The following UBR4 variants were observed in gnomAD, a reference collection of about 807,000 sequenced individuals.
UBR4 encodes the protein ubiquitin protein ligase E3 component n-recognin 4.
Under a neutral mutation model 575.6 loss-of-function variants are expected in UBR4, and 124 were observed. The observed-to-expected ratio is 0.22, with a 90% confidence interval of 0.19 to 0.25. The LOEUF (loss-of-function observed/expected upper bound fraction) is 0.25, where lower values mean the gene tolerates loss of function less well. Ranked by LOEUF, UBR4 falls within the 10% of genes least tolerant of loss-of-function variation. The probability of loss-of-function intolerance (pLI) is 1.00; values close to 1 mark genes in which losing one functional copy is unlikely to be tolerated. For missense variants in UBR4, 4,818 were observed against 6,478.8 expected (o/e 0.74, Z 8.80); for synonymous variants, 2,455 against 2,473.7 (o/e 0.99, Z 0.22).
At position 19,093,547 on chromosome 1, in the gene UBR4, C is replaced by T; in HGVS notation, c.13938-61G>A. The T allele has an allele frequency of 3.8e-6, 6 of 1,563,988 alleles. No individual in the cohort carries two copies. Among genetic ancestry groups the T allele is most frequent in the Non-Finnish European group, 5.2e-6 (6 of 1,145,326 alleles). Reference sequence around the variant, plus strand: ...GCGGGACAAAACCCAGTCATGTCACCCTCTTGGTTAACAACTGTCAACAGC... The same window carrying T: ...GCGGGACAAAACCCAGTCATGTCACTCTCTTGGTTAACAACTGTCAACAGC... On this transcript the variant is annotated intron_variant, in intron 95 of 105. Transcript: ENST00000375254. The surrounding 1 kb of genome is among the most constrained non-coding windows in gnomAD (Gnocchi z 4.8).
intron 11 of UBR4, among the ~76,000 whole-genome samples, chr1:19,190,310 A>ATATAT (rs1420680603): frequency 7.7e-5 from 6 of 78,030 alleles, no homozygotes; most frequent in African/African-American, 3.1e-4. Context: ...AAAAAAAAAA[A>ATATAT]AAATATATAT....
At chr1:19,183,410 A>G (rs1223057631) in intron 17 of UBR4, among the ~76,000 whole-genome samples, 1 of 152,204 alleles carries the variant, frequency 6.6e-6, no homozygotes, top group African/African-American at 2.4e-5. Flanking sequence ...GGATTTAATG[A>G]CAAACTGTTC....
chr1:19,085,623 T>C (rs749938451), intron 101 of UBR4, among the ~76,000 whole-genome samples: 126 of 152,272 alleles, frequency 8.3e-4, no homozygotes, highest in African/African-American at 2.7e-3. Flanking sequence ...AGCTTTGAAA[T>C]AGGACTTGGG....
rs185644308 is a variant in UBR4 at position 19,194,306 on chromosome 1, C to T, written c.1019-749G>A. Among the ~76,000 whole-genome samples the T allele has an allele frequency of 3.9e-3, 601 of 152,244 alleles. 4 individuals carry two copies. The highest frequency in any genetic ancestry group is 0.013 in the African/African-American group (534 of 41,528). On this transcript the variant is annotated intron_variant, in intron 8 of 105. Coordinates refer to ENST00000375254, the MANE Select transcript of UBR4 (RefSeq NM_020765.3). ...AAGGGAGAAGGAGGATATGCGAACT[C>T]TATGAACCTAAAATTGCTTTAAAAA...
intron 8 of UBR4, among the ~76,000 whole-genome samples, chr1:19,195,969 TAC>T (rs55820713): frequency 0.071 from 9,555 of 133,936 alleles, 325 homozygotes; most frequent in African/African-American, 0.096. Flanking sequence ...GACTTACTTA[TAC>T]ACACACACAC....
In UBR4 at chr1:19,145,851, G is replaced by T; in HGVS notation, c.7887C>A (p.Phe2629Leu). ...TGGGTTTGGATGCATGGAGTTTCCA[G>T]AAGTGGTTCACAAGCTGGGTGATGA... ...CSFITQLVNH[F>L]WKLHASKPKN... The change falls in exon 53 of 106, where the codon TTC (phenylalanine) becomes TTA (leucine). Residue 2629 changes from phenylalanine (F) to leucine (L), a missense_variant. By Grantham distance (22) the Phe-to-Leu change is conservative. Coordinates refer to ENST00000375254, the MANE Select transcript of UBR4 (RefSeq NM_020765.3). 1 of 1,614,222 alleles carries T rather than the reference G, an allele frequency of 6.2e-7. No homozygotes were observed. Among genetic ancestry groups the T allele is most frequent in the Non-Finnish European group, 8.5e-7 (1 of 1,180,040 alleles).
chr1:19,117,093 G>T lies in UBR4; in HGVS notation c.10823+128C>A. On this transcript the variant is annotated intron_variant, in intron 73 of 105. Coordinates refer to ENST00000375254, the MANE Select transcript of UBR4 (RefSeq NM_020765.3). This position sits in a 1 kb window ranked among gnomAD's most constrained non-coding sequence, Gnocchi z 4.0. ...TCACTTTTGTCCTTTGGTCATGAAT[G>T]GAGGGGCCAAGAGGATGTATTAGGC... The T allele has an allele frequency of 2.0e-6, 2 of 979,946 alleles. No individual in the cohort carries two copies. The highest frequency in any genetic ancestry group is 3.1e-6 in the Non-Finnish European group (2 of 653,522). 60.7% of individuals were successfully genotyped at this position (979,946 alleles called of 1,614,324 possible).
Position 19,112,534 on chromosome 1 carries a change from G to T in UBR4, c.11791C>A (p.Leu3931Ile). Residue 3931 changes from leucine (L) to isoleucine (I), a missense_variant, in exon 78 of 106, where the codon CTC becomes ATC. This residue lies in a region of UBR4 where 333 missense variants were observed against 459.2 expected (regional missense o/e 0.73). Coordinates refer to ENST00000375254, the MANE Select transcript of UBR4 (RefSeq NM_020765.3). ...MREEVRQLMCLLTRDNPEATQ... is the reference protein window; with the variant it reads ...MREEVRQLMCILTRDNPEATQ... ...GGTGTAGGTACTGACCGAGTTAGGAGGCACATGAGCTGGCGGACCTCCTCC... is the reference window on the plus strand; with the variant it reads ...GGTGTAGGTACTGACCGAGTTAGGATGCACATGAGCTGGCGGACCTCCTCC... 1 of 1,610,684 alleles carries T rather than the reference G, an allele frequency of 6.2e-7. No homozygotes were observed. Among genetic ancestry groups the T allele is most frequent in the African/African-American group, 1.3e-5 (1 of 75,044 alleles).
chr1:19,203,334 C>T (rs1558033116), intron 1 of UBR4, among the ~76,000 whole-genome samples: 1 of 151,834 alleles, frequency 6.6e-6, no homozygotes, highest in Non-Finnish European at 1.5e-5. Context: ...AACCCCGTCT[C>T]TAATAAAAAT....
intron 29 of UBR4, among the ~76,000 whole-genome samples, chr1:19,166,065 T>A (rs2088314031): frequency 6.6e-6 from 1 of 152,190 alleles, no homozygotes; most frequent in African/African-American, 2.4e-5. Context: ...TTTGGACAAA[T>A]CATTTCTACA....
chr1:19,084,500 T>C lies in UBR4; in HGVS notation c.15008+4A>G, dbSNP rs769028175. ...ATGCCGCCCCTGGGACACAGGGTACTGACGTGTTCAGGACGTAAAGCACAG... is the reference window on the plus strand; with the variant it reads ...ATGCCGCCCCTGGGACACAGGGTACCGACGTGTTCAGGACGTAAAGCACAG... On this transcript the variant is annotated splice_donor_region_variant and intron_variant, in intron 102 of 105. Transcript: ENST00000375254. 8 of 1,605,798 alleles carry C rather than the reference T, an allele frequency of 5.0e-6. No homozygotes were observed.
intron 9 of UBR4, 109 bp downstream of exon 9, chr1:19,193,324 G>T (rs569690815): frequency 8.8e-5 from 128 of 1,451,676 alleles, no homozygotes; most frequent in Middle Eastern, 1.8e-4. Flanking sequence ...AGGGAAAGTA[G>T]TGTGGAGAAT....
chr1:19,149,543 G>A (rs1169605163), intron 49 of UBR4, among the ~76,000 whole-genome samples: 1 of 152,160 alleles, frequency 6.6e-6, no homozygotes, highest in Non-Finnish European at 1.5e-5. Flanking sequence ...AGAGAGAGTT[G>A]AGAGAGTGTC....
intron 8 of UBR4, among the ~76,000 whole-genome samples, chr1:19,194,916 T>C (rs1044324977): frequency 7.2e-5 from 11 of 151,914 alleles, no homozygotes; most frequent in Admixed American, 1.3e-4. Context: ...AGTTCAAATC[T>C]AGCCTGGGCA....
chr1:19,160,069 G>C lies in UBR4; in HGVS notation c.5577+42C>G, dbSNP rs375990398. 18 of 1,588,672 alleles carry C rather than the reference G, an allele frequency of 1.1e-5. No individual in the cohort carries two copies. The African/African-American group carries it at 1.2e-4, about 11-fold the overall frequency. On this transcript the variant is annotated intron_variant, in intron 39 of 105. Transcript: ENST00000375254. ...ATTTTGGGATCTCAATAAATTTGTT[G>C]GTTCCCACAGCCACCAAACATCATG...
Position 19,121,300 on chromosome 1 carries a change from T to C in UBR4, c.10030A>G (p.Ser3344Gly), listed in dbSNP as rs1413198726. ...AALAASSGSS[S>G]ASSSSAPVAA... ...ACAGGGGCTGAGGAGGAAGAAGCAC[T>C]GGAGGATCCCGAAGAGGCTGCCAGT... The change falls in exon 68 of 106, where the codon AGT becomes GGT. Residue 3344 changes from serine (S) to glycine (G), a missense_variant. Physicochemically the swap from Ser to Gly is moderately conservative, Grantham distance 56. Around this residue, in one of 29 missense-constraint regions of UBR4, gnomAD observed 550 missense variants for 791.5 expected, o/e 0.69. Coordinates refer to ENST00000375254, the MANE Select transcript of UBR4 (RefSeq NM_020765.3). 1.9e-6 allele frequency: 3 copies of C among 1,614,194 alleles called. No homozygotes were observed. The highest frequency in any genetic ancestry group is 2.5e-6 in the Non-Finnish European group (3 of 1,180,034).
Position 19,152,201 on chromosome 1 carries a change from G to A in UBR4, c.6996+112C>T. The A allele has an allele frequency of 7.1e-7, 1 of 1,406,692 alleles. No individual in the cohort carries two copies. Among genetic ancestry groups the A allele is most frequent in the Non-Finnish European group, 9.7e-7 (1 of 1,028,782 alleles). 87.1% of individuals were successfully genotyped at this position (1,406,692 alleles called of 1,614,324 possible). ...AACCATTTAACTAGAACCGAGGGTT[G>A]TGACTGTGAGTATATACTCTATACT... is the stretch of plus-strand genomic sequence containing the variant. On this transcript the variant is annotated intron_variant, in intron 47 of 105. Transcript: ENST00000375254. The surrounding 1 kb of genome is among the most constrained non-coding windows in gnomAD (Gnocchi z 4.4).
rs531941962 is a variant in UBR4, at chr1:19,077,008, A to C, written c.15325-106T>G. 3.2e-6 allele frequency: 4 copies of C among 1,259,474 alleles called. No individual in the cohort carries two copies. In the South Asian group the frequency reaches 6.0e-5, roughly 19 times the overall value. 78.0% of individuals were successfully genotyped at this position (1,259,474 alleles called of 1,614,324 possible). Reference sequence around the variant, plus strand: ...CAACCCCTCAAAGGACAGCCCTCCCAACCTACACCAAAGCATACCAACAGG... The same window carrying C: ...CAACCCCTCAAAGGACAGCCCTCCCCACCTACACCAAAGCATACCAACAGG... On this transcript the variant is annotated intron_variant, in intron 104 of 105. Transcript: ENST00000375254.
intron 78 of UBR4, among the ~76,000 whole-genome samples, chr1:19,111,250 A>G (rs928056876): frequency 1.1e-4 from 17 of 152,176 alleles, no homozygotes; most frequent in African/African-American, 4.1e-4. Flanking sequence ...CTTTGTAACA[A>G]TGTTCCCACT....
Sources: allele counts gnomAD v4.1 joint callset (sites outside exome capture counted in the v4.1 genomes callset), GRCh38; gene constraint gnomAD v4.1.1; regional missense constraint gnomAD v4.1.1; non-coding constraint Gnocchi (gnomAD v3.1); transcripts MANE v1.5; gene names NCBI Gene and HGNC (gene_info 2026-07-23, HGNC 2026-07-21).